The following TRMT11 variants were observed in gnomAD, a reference collection of about 807,000 sequenced individuals.
The protein encoded by TRMT11 is tRNA (guanine(10)-N(2))-methyltransferase TRMT11.
TRMT11 carries 53 observed loss-of-function variants against 62.8 expected under a neutral mutation model. The observed-to-expected ratio is 0.84, with a 90% CI of 0.68 to 1.06. The LOEUF (loss-of-function observed/expected upper bound fraction) is 1.06. Ranked by LOEUF, TRMT11 falls within the 50% of genes least tolerant of loss-of-function variation. The pLI, the probability that TRMT11 is intolerant of heterozygous loss-of-function variation, is 0.00. For synonymous variants in TRMT11, 188 were observed against 190.3 expected (o/e 0.99, Z 0.10); for missense variants, 556 against 553.4 (o/e 1.00, Z -0.05).
chr6:126,123,303 T>C (rs1777670825), intron 21 of TRMT11, among the ~76,000 whole-genome samples: 3 of 152,178 alleles, frequency 2.0e-5, no homozygotes, highest in South Asian at 4.2e-4. Context: ...GAGCCATCTT[T>C]TGGGGGCAGG....
chr6:126,122,022 T>C (rs989993036), intron 21 of TRMT11, among the ~76,000 whole-genome samples: 5 of 152,086 alleles, frequency 3.3e-5, no homozygotes, highest in African/African-American at 1.2e-4. Flanking sequence ...AATTGAATCA[T>C]GGAGGGAGGT....
intron 10 of TRMT11, 56 bp downstream of exon 10, chr6:126,012,908 C>T: frequency 6.2e-7 from 1 of 1,609,250 alleles, no homozygotes; most frequent in Non-Finnish European, 8.5e-7. Flanking sequence ...ATGTGGCTTC[C>T]CCGTTAACTT....
chr6:126,122,918 A>T (rs1478584536), intron 21 of TRMT11, among the ~76,000 whole-genome samples: 1 of 152,146 alleles, frequency 6.6e-6, no homozygotes, highest in Non-Finnish European at 1.5e-5. Context: ...TCTGCAGTGA[A>T]ATCGTATTTG....
chr6:126,034,426 T>C (rs1774798214), intron 12 of TRMT11, among the ~76,000 whole-genome samples: 1 of 152,160 alleles, frequency 6.6e-6, no homozygotes, highest in Non-Finnish European at 1.5e-5. Flanking sequence ...GGATAAATGA[T>C]AGGGCTGAAT....
the TRMT11 span, among the ~76,000 whole-genome samples, chr6:126,230,734 A>G: frequency 6.6e-6 from 1 of 152,136 alleles, no homozygotes. Flanking sequence ...AAGAAACCAT[A>G]GGAATGACTT....
chr6:126,210,408 G>A, the TRMT11 span, among the ~76,000 whole-genome samples: 4 of 152,168 alleles, frequency 2.6e-5, no homozygotes, highest in Non-Finnish European at 5.9e-5. Context: ...ACCCTAAGTT[G>A]TAGATTAGAT....
intron 11 of TRMT11, among the ~76,000 whole-genome samples, chr6:126,017,072 A>C (rs1306079784): frequency 6.6e-6 from 1 of 152,196 alleles, no homozygotes; most frequent in Non-Finnish European, 1.5e-5. Context: ...ATTCATTTGA[A>C]TTAAACAGTT....
chr6:126,222,469 A>G, the TRMT11 span, among the ~76,000 whole-genome samples: 7 of 151,352 alleles, frequency 4.6e-5, no homozygotes, highest in South Asian at 1.0e-3. Flanking sequence ...TTCCATTTCC[A>G]TTTCCATTTG....
At chr6:126,097,462 G>C (rs1192336616) in intron 17 of TRMT11, among the ~76,000 whole-genome samples, 1 of 152,120 alleles carries the variant, frequency 6.6e-6, no homozygotes, top group Admixed American at 6.5e-5. Flanking sequence ...TGAATAAAGG[G>C]AGCATTTTAC....
chr6:126,193,490 A>ATCTT (rs1778628215), intron 1 of TRMT11, among the ~76,000 whole-genome samples: 1 of 73,276 alleles, frequency 1.4e-5, no homozygotes, highest in African/African-American at 5.6e-5. Flanking sequence ...GCGTTTCTGT[A>ATCTT]TTTTTTTTTT....
chr6:126,011,156 G>A, intron 8 of TRMT11, 97 bp from the exon 9 acceptor site: 1 of 1,003,834 alleles, frequency 1.0e-6, no homozygotes, highest in South Asian at 2.1e-5. Flanking sequence ...TTGAATAAAT[G>A]TAGGTTTCAG....
intron 16 of TRMT11, among the ~76,000 whole-genome samples, chr6:126,051,863 A>G (rs79112349): frequency 1.3e-5 from 2 of 152,322 alleles, no homozygotes; most frequent in East Asian, 3.9e-4. Context: ...AAGCCAGGCA[A>G]TGATTACTTA....
chr6:126,231,539 G>T, the TRMT11 span, among the ~76,000 whole-genome samples: 1 of 152,148 alleles, frequency 6.6e-6, no homozygotes, highest in Admixed American at 6.6e-5. Flanking sequence ...TAGGTTTTGG[G>T]GGAGTCAAAA....
intron 17 of TRMT11, among the ~76,000 whole-genome samples, chr6:126,072,448 G>A (rs1776885735): frequency 6.6e-6 from 1 of 152,254 alleles, no homozygotes; most frequent in South Asian, 2.1e-4. Flanking sequence ...GGATTCCACG[G>A]CACCTAACAG....
chr6:125,999,843 A>T (rs1792182500), intron 7 of TRMT11, among the ~76,000 whole-genome samples: 3 of 152,164 alleles, frequency 2.0e-5, no homozygotes, highest in Admixed American at 2.0e-4. Context: ...AACCACTAGG[A>T]GGGAGCATCC....
chr6:126,029,936 T>A lies in TRMT11; in HGVS notation c.1260+8656T>A, dbSNP rs540784287. 1.6e-4 allele frequency among the ~76,000 whole-genome samples: 25 copies of A among 152,284 alleles called. No individual in the cohort carries two copies. In the East Asian group the frequency reaches 4.6e-3, roughly 28 times the overall value. The stretch of plus-strand genomic sequence containing the variant: ...ACATGTTGAGTGCCAGATGTCAAAG[T>A]TTAATCATTGTCACTCATTTTGAGC... On this transcript the variant is annotated intron_variant, in intron 12 of 12. Coordinates refer to ENST00000334379, the MANE Select transcript of TRMT11 (RefSeq NM_001031712.3).
exon 18 of TRMT11, among the ~76,000 whole-genome samples, chr6:126,112,888 G>T (rs1442194506): frequency 6.6e-6 from 1 of 151,730 alleles, no homozygotes; most frequent in African/African-American, 2.4e-5. Flanking sequence ...AAGTCTCCTT[G>T]AATCAGTTTA....
chr6:126,188,419 A>G (rs541935389), intron 1 of TRMT11, among the ~76,000 whole-genome samples: 67 of 152,106 alleles, frequency 4.4e-4, no homozygotes, highest in Admixed American at 4.6e-4. Flanking sequence ...TGCAATTGAA[A>G]ACCACAAGAT....
At chr6:126,081,327 C>T (rs1002188393) in intron 17 of TRMT11, among the ~76,000 whole-genome samples, 11 of 152,196 alleles carry the variant, frequency 7.2e-5, no homozygotes, top group Non-Finnish European at 1.6e-4. Context: ...GAGTAGACTT[C>T]ACGCTCTTGA....
Sources: gnomAD v4.1 joint callset for allele counts (sites outside exome capture counted in the v4.1 genomes callset) on GRCh38, gnomAD v4.1.1 for gene constraint, MANE v1.5 for transcripts, NCBI Gene and HGNC (gene_info 2026-07-23, HGNC 2026-07-21) for gene names.